The following RASEF variants were observed in gnomAD, a reference collection of about 807,000 sequenced individuals.
RASEF encodes RAS and EF-hand domain containing.
Under a neutral mutation model 90.1 loss-of-function variants are expected in RASEF, and 68 were observed. The ratio of observed to expected loss-of-function variants is 0.75; its 90% confidence interval spans 0.62 to 0.92. RASEF has a LOEUF of 0.92. Ranked by LOEUF, RASEF falls within the 40% of genes least tolerant of loss-of-function variation. RASEF has a pLI of 0.00. For missense variants in RASEF, 949 were observed against 937.2 expected, an observed-to-expected ratio of 1.01 and a Z score of -0.16; for synonymous variants, 331 against 345.2, an observed-to-expected ratio of 0.96 and a Z score of 0.46.
the RASEF span, among the ~76,000 whole-genome samples, chr9:83,082,241 A>C: frequency 6.6e-6 from 1 of 152,308 alleles, no homozygotes; most frequent in Admixed American, 6.5e-5. Flanking sequence ...ACATCAACGT[A>C]ATTAGAGAAA....
At chr9:83,086,344 G>T in the RASEF span, among the ~76,000 whole-genome samples, 2 of 152,106 alleles carry the variant, frequency 1.3e-5, no homozygotes, top group Admixed American at 6.5e-5. Context: ...CCATAAAGGG[G>T]CTGGATTTGA....
At chr9:83,006,620 A>G (rs1829137222) in intron 7 of RASEF, among the ~76,000 whole-genome samples, 1 of 152,158 alleles carries the variant, frequency 6.6e-6, no homozygotes, top group Non-Finnish European at 1.5e-5. Flanking sequence ...TTTTGTGGGG[A>G]AGACCTTCAG....
At chr9:83,107,435 G>A in the RASEF span, among the ~76,000 whole-genome samples, 5 of 152,094 alleles carry the variant, frequency 3.3e-5, no homozygotes, top group South Asian at 6.2e-4. Flanking sequence ...AGGCTCCTTC[G>A]ACTTCACATT....
At chr9:83,082,999 C>CA in the RASEF span, among the ~76,000 whole-genome samples, 23 of 152,072 alleles carry the variant, frequency 1.5e-4, no homozygotes, top group Non-Finnish European at 1.5e-5. Context: ...AGTAAACGAG[C>CA]AAAAAATACA....
At chr9:83,019,527 C>G (rs1829405380) in intron 3 of RASEF, among the ~76,000 whole-genome samples, 1 of 152,110 alleles carries the variant, frequency 6.6e-6, no homozygotes, top group Non-Finnish European at 1.5e-5. Context: ...CAGTATCTTA[C>G]AAAAATCCAC....
intron 1 of RASEF, chr9:83,055,498 C>T (rs919946651): frequency 7.2e-6 from 5 of 690,452 alleles, no homozygotes; most frequent in Non-Finnish European, 1.3e-5. Context: ...CAGAAATCAC[C>T]CGTCTTCTGC....
At chr9:83,151,899 T>A in the RASEF span, among the ~76,000 whole-genome samples, 1 of 152,132 alleles carries the variant, frequency 6.6e-6, no homozygotes, top group Non-Finnish European at 1.5e-5. Flanking sequence ...AGATTATTTT[T>A]TTCCAGGAAG....
the RASEF span, among the ~76,000 whole-genome samples, chr9:83,073,978 C>T: frequency 5.9e-5 from 9 of 152,144 alleles, no homozygotes; most frequent in South Asian, 8.3e-4. Context: ...TGATTATTTC[C>T]GAACTGAAAA....
chr9:83,008,933 T>TGA (rs1220496879), intron 6 of RASEF, among the ~76,000 whole-genome samples: 20 of 132,572 alleles, frequency 1.5e-4, no homozygotes, highest in Admixed American at 4.5e-4. Context: ...TATATATATA[T>TGA]ATGACGTGGG....
chr9:83,005,690 GAT>G (rs1344637364), intron 7 of RASEF, among the ~76,000 whole-genome samples, 190 bp from the exon 8 acceptor site: 1 of 152,162 alleles, frequency 6.6e-6, no homozygotes, highest in African/African-American at 2.4e-5. Context: ...GAACTAAATT[GAT>G]TACTCCTCTC....
intron 5 of RASEF, 100 bp from the exon 6 acceptor site, chr9:83,009,856 C>A: frequency 1.7e-6 from 1 of 604,974 alleles, no homozygotes; most frequent in South Asian, 2.3e-5. Flanking sequence ...CACTCTCACC[C>A]TTCCACAACT....
intron 3 of RASEF, among the ~76,000 whole-genome samples, chr9:83,018,225 T>C (rs934494951): frequency 4.2e-5 from 1 of 23,634 alleles, no homozygotes; most frequent in Non-Finnish European, 7.4e-5. Context: ...TCCTAGAAAA[T>C]GACAAAATCT....
chr9:83,130,937 G>T, the RASEF span, among the ~76,000 whole-genome samples: 1 of 152,236 alleles, frequency 6.6e-6, no homozygotes, highest in African/African-American at 2.4e-5. Flanking sequence ...CTTACCATGT[G>T]CAAGGCACTG....
the RASEF span, among the ~76,000 whole-genome samples, chr9:83,214,814 A>G: frequency 2.6e-5 from 4 of 152,160 alleles, no homozygotes; most frequent in Non-Finnish European, 5.9e-5. Context: ...TAGAACTGAT[A>G]CAGACAGTAG....
the RASEF span, among the ~76,000 whole-genome samples, chr9:83,074,647 C>G: frequency 1.3e-5 from 2 of 152,174 alleles, no homozygotes; most frequent in Non-Finnish European, 2.9e-5. Context: ...GTAACATGGT[C>G]TCACTCATTA....
the RASEF span, among the ~76,000 whole-genome samples, chr9:83,131,348 G>A: frequency 6.6e-6 from 1 of 152,298 alleles, no homozygotes; most frequent in Middle Eastern, 3.4e-3. Flanking sequence ...AAGAGGAGGG[G>A]TATTGTTGGA....
the RASEF span, among the ~76,000 whole-genome samples, chr9:83,105,861 C>T: frequency 1.2e-4 from 19 of 152,254 alleles, no homozygotes; most frequent in East Asian, 3.1e-3. Flanking sequence ...TCCCATGTGC[C>T]GGCTGCAGGA....
At chr9:83,132,922 G>A in the RASEF span, among the ~76,000 whole-genome samples, 2 of 152,304 alleles carry the variant, frequency 1.3e-5, no homozygotes, top group East Asian at 3.9e-4. Context: ...GGTAACTCCT[G>A]TGTGTGACAT....
chr9:83,039,136 T>C (rs1333094926), intron 1 of RASEF, among the ~76,000 whole-genome samples: 2 of 152,220 alleles, frequency 1.3e-5, no homozygotes, highest in African/African-American at 2.4e-5. Context: ...AAGCCTTTCA[T>C]ATATGCTATC....
Sources: gnomAD v4.1 joint callset for allele counts (sites outside exome capture counted in the v4.1 genomes callset) on GRCh38, gnomAD v4.1.1 for gene constraint, MANE v1.5 for transcripts, NCBI Gene and HGNC (gene_info 2026-07-23, HGNC 2026-07-21) for gene names.